MPDZ: variants seen among roughly 807,000 people sequenced by gnomAD.
MPDZ encodes multiple PDZ domain protein.
A neutral mutation model predicts 239.1 loss-of-function variants in MPDZ; 234 were observed. That is an observed-to-expected ratio of 0.98 (90% CI 0.88 to 1.09). The LOEUF is 1.09. Among genes scored for constraint, MPDZ ranks in the 50% least tolerant of loss-of-function variants. The pLI is 0.00. For synonymous variants in MPDZ, 1,048 were observed against 881.3 expected, an observed-to-expected ratio of 1.19 and a Z score of -3.35; for missense variants, 3,175 against 2,510.0, an observed-to-expected ratio of 1.26 and a Z score of -5.66.
chr9:13,135,220 T>A (rs1016137915), intron 31 of MPDZ: 13 of 152,218 alleles, frequency 8.5e-5, no homozygotes, highest in African/African-American at 3.1e-4. Flanking sequence ...GTCAGATATC[T>A]GAAAACCTTG....
intron 10 of MPDZ, among the ~76,000 whole-genome samples, chr9:13,208,429 A>G (rs182888380): frequency 5.9e-4 from 89 of 152,038 alleles, no homozygotes; most frequent in African/African-American, 2.1e-3. Context: ...CCTGGGCATC[A>G]GAGTGAGACC....
In MPDZ at chr9:13,113,011, C is replaced by G. The variant is rs61753786; in HGVS notation, c.5601G>C (p.Lys1867Asn). 20 of 1,583,524 alleles carry G rather than the reference C, an allele frequency of 1.3e-5. No homozygotes were observed. Among genetic ancestry groups the G allele is most frequent in the Non-Finnish European group, 1.7e-5 (20 of 1,162,498 alleles). ...ATATTGTTTTCTCTCCCCAAGTTAC[C>G]TTTTTCATTTCGACTGTTCTTAATC... ...IQGLRTVEMKKGPTDSLGISI... is the reference protein window; with the variant it reads ...IQGLRTVEMKNGPTDSLGISI... The change falls in exon 42 of 47, where the codon AAG becomes AAC. Residue 1867 changes from lysine (K) to asparagine (N), a missense_variant and splice_region_variant. Transcript: ENST00000319217.
intron 35 of MPDZ, 43 bp from the exon 36 acceptor site, chr9:13,123,341 C>G: frequency 1.3e-6 from 2 of 1,530,410 alleles, no homozygotes; most frequent in Non-Finnish European, 8.9e-7. Flanking sequence ...AAATTGGTTA[C>G]TAAGGCATAT....
chr9:13,148,870 C>A lies in MPDZ; in HGVS notation c.3631-1212G>T, dbSNP rs151336671. Among the ~76,000 whole-genome samples the A allele has an allele frequency of 4.5e-3, 685 of 151,878 alleles. 8 individuals are homozygous for A. Among genetic ancestry groups the A allele is most frequent in the Admixed American group, 0.011 (167 of 15,216 alleles). On this transcript the variant is annotated intron_variant, in intron 25 of 46. Coordinates refer to ENST00000319217, the MANE Select transcript of MPDZ (RefSeq NM_001378778.1). ...GCACAAATCATTGCTAAATTGCATA[C>A]AGTATTTTAAAACGCACAAAAAAGT...
At chr9:13,188,392 T>C (rs946952970) in intron 17 of MPDZ, among the ~76,000 whole-genome samples, 1 of 151,908 alleles carries the variant, frequency 6.6e-6, no homozygotes, top group African/African-American at 2.4e-5. Context: ...GTCGTGGCTG[T>C]AGTCCCAGCA....
intron 4 of MPDZ, 117 bp from the exon 5 acceptor site, chr9:13,223,827 T>C: frequency 1.8e-6 from 2 of 1,083,456 alleles, no homozygotes; most frequent in Non-Finnish European, 2.6e-6. Flanking sequence ...AAGCCAGGAG[T>C]TAGGGACCAG....
At chr9:13,143,753 T>G (rs1331668) in intron 26 of MPDZ, among the ~76,000 whole-genome samples, 189 bp from the exon 27 acceptor site, 1 of 151,904 alleles carries the variant, frequency 6.6e-6, no homozygotes, top group Admixed American at 6.6e-5. Flanking sequence ...CCTGAATCTA[T>G]ACCTGAGTCT....
intron 1 of MPDZ, among the ~76,000 whole-genome samples, chr9:13,266,232 C>T (rs1469775961): frequency 1.3e-5 from 2 of 152,224 alleles, no homozygotes; most frequent in Non-Finnish European, 2.9e-5. Context: ...AGTTTACAAA[C>T]TTCACTCAGG....
chr9:13,123,573 G>A (rs994116156), intron 35 of MPDZ, among the ~76,000 whole-genome samples: 1 of 152,124 alleles, frequency 6.6e-6, no homozygotes, highest in Non-Finnish European at 1.5e-5. Flanking sequence ...AATTGGTAGA[G>A]ATATAAAGGA....
intron 1 of MPDZ, among the ~76,000 whole-genome samples, chr9:13,254,056 C>A (rs980780531): frequency 6.6e-6 from 1 of 152,162 alleles, no homozygotes; most frequent in South Asian, 2.1e-4. Context: ...AATATGCTGC[C>A]TCTAGAAAGC....
Position 13,188,537 on chromosome 9 carries a change from A to G in MPDZ, c.2364+247T>C, listed in dbSNP as rs1005376727. The stretch of plus-strand genomic sequence containing the variant: ...CATCAATCAATCAATCAATCAATCA[A>G]TGTCAAAAGTGAACCAAAGACCAGT... On this transcript the variant is annotated intron_variant, in intron 17 of 46. Coordinates refer to ENST00000319217, the MANE Select transcript of MPDZ (RefSeq NM_001378778.1). 3.9e-5 allele frequency among the ~76,000 whole-genome samples: 6 copies of G among 152,026 alleles called. No homozygotes were observed. The East Asian group carries it at 5.8e-4, about 15-fold the overall frequency.
chr9:13,188,461 T>C (rs1954439126), intron 17 of MPDZ, among the ~76,000 whole-genome samples: 2 of 152,046 alleles, frequency 1.3e-5, no homozygotes, highest in Admixed American at 1.3e-4. Context: ...GAGACTGCAA[T>C]GAACCGAGAT....
chr9:13,148,036 T>C (rs1232643793), intron 25 of MPDZ, among the ~76,000 whole-genome samples: 1 of 152,030 alleles, frequency 6.6e-6, no homozygotes, highest in Non-Finnish European at 1.5e-5. Flanking sequence ...CTAATTTTCT[T>C]CTAATTGACT....
chr9:13,226,701 T>A (rs1204937973), intron 3 of MPDZ, among the ~76,000 whole-genome samples: 1 of 152,126 alleles, frequency 6.6e-6, no homozygotes, highest in Non-Finnish European at 1.5e-5. Context: ...ATCCACACCC[T>A]GCTGTCATGA....
chr9:13,162,296 G>A (rs543692173), intron 23 of MPDZ, among the ~76,000 whole-genome samples: 1 of 151,138 alleles, frequency 6.6e-6, no homozygotes, highest in Non-Finnish European at 1.5e-5. Flanking sequence ...TTCTGAATTT[G>A]TATGCATGTT....
chr9:13,203,731 CA>C (rs1564021700), intron 12 of MPDZ, among the ~76,000 whole-genome samples: 3 of 2,738 alleles, frequency 1.1e-3, no homozygotes, highest in Non-Finnish European at 3.5e-3. Context: ...TATCCTGCCA[CA>C]CACACACACA....
In MPDZ at chr9:13,112,018, A is replaced by G; in HGVS notation, c.5724+6T>C. On this transcript the variant is annotated splice_donor_region_variant and intron_variant, in intron 43 of 46. Transcript: ENST00000319217. The stretch of plus-strand genomic sequence containing the variant: ...TAGGGCTTCTAGGGTTGATAGTACG[A>G]CTCACTCTGAGTTTTTGGGTCTGTG... 1.2e-6 allele frequency: 2 copies of G among 1,612,980 alleles called. No homozygotes were observed. The highest frequency in any genetic ancestry group is 1.7e-6 in the Non-Finnish European group (2 of 1,179,252).
chr9:13,229,362 A>C (rs1283415718), intron 3 of MPDZ, among the ~76,000 whole-genome samples: 1 of 152,108 alleles, frequency 6.6e-6, no homozygotes, highest in African/African-American at 2.4e-5. Context: ...GGCTGACTAG[A>C]ATGGCATATC....
intron 3 of MPDZ, among the ~76,000 whole-genome samples, chr9:13,226,104 T>C (rs1960501454): frequency 6.6e-6 from 1 of 152,050 alleles, no homozygotes; most frequent in South Asian, 2.1e-4. Flanking sequence ...ACTTTGTAGC[T>C]GGACCCTAAC....
Sources: gnomAD v4.1 joint callset for allele counts (sites outside exome capture counted in the v4.1 genomes callset) on GRCh38, gnomAD v4.1.1 for gene constraint, MANE v1.5 for transcripts, NCBI Gene and HGNC (gene_info 2026-07-23, HGNC 2026-07-21) for gene names.